The following SETDB1 variants were observed in gnomAD, a reference collection of about 807,000 sequenced individuals.
The protein encoded by SETDB1 is SET domain bifurcated histone lysine methyltransferase 1, also known as histone-lysine N-methyltransferase SETDB1.
In SETDB1, 31 loss-of-function variants were observed where a neutral mutation model predicts 137.4. The observed-to-expected ratio is 0.23, with a 90% confidence interval of 0.17 to 0.30. The LOEUF (loss-of-function observed/expected upper bound fraction) is 0.30. SETDB1 is among the 10% of genes least tolerant of loss of function. The pLI is 1.00. For synonymous variants in SETDB1, 548 were observed against 579.9 expected (o/e 0.95, Z 0.79); for missense variants, 1,113 against 1,631.5 (o/e 0.68, Z 5.47).
intron 18 of SETDB1, 44 bp from the exon 19 acceptor site, chr1:150,962,930 C>A: frequency 6.3e-7 from 1 of 1,599,168 alleles, no homozygotes. Flanking sequence ...TAAAGGAGCC[C>A]TTCCCATTTA....
At chr1:150,937,924 T>G (rs192385484) in intron 3 of SETDB1, among the ~76,000 whole-genome samples, 1 of 152,266 alleles carries the variant, frequency 6.6e-6, no homozygotes, top group East Asian at 1.9e-4. Flanking sequence ...TAAAATATTA[T>G]TCAGCCATAA....
chr1:150,962,730 T>C lies in SETDB1; in HGVS notation c.3294+11T>C, dbSNP rs775922070. 6.2e-7 allele frequency: 1 copy of C among 1,612,402 alleles called. No homozygotes were observed. The highest frequency in any genetic ancestry group is 2.2e-5 in the East Asian group (1 of 44,860). On this transcript the variant is annotated intron_variant, in intron 18 of 21. Coordinates refer to ENST00000692827, the MANE Select transcript of SETDB1 (RefSeq NM_001366418.1). ...CAGTCCAACCCTGATGTAAGTCACC[T>C]CAAGCTTATTCAGAGTCTAATAAAG...
intron 3 of SETDB1, among the ~76,000 whole-genome samples, chr1:150,934,544 C>T (rs895711382): frequency 2.6e-5 from 4 of 152,124 alleles, no homozygotes; most frequent in African/African-American, 4.8e-5. Flanking sequence ...CTGTGTGATA[C>T]TATTGTCAAA....
intron 3 of SETDB1, among the ~76,000 whole-genome samples, chr1:150,936,183 G>A (rs1246871211): frequency 6.6e-6 from 1 of 152,032 alleles, no homozygotes; most frequent in Non-Finnish European, 1.5e-5. Context: ...TAGAGACAGG[G>A]TTTCACCATG....
intron 7 of SETDB1, among the ~76,000 whole-genome samples, chr1:150,943,285 G>A (rs2102693756): frequency 6.6e-6 from 1 of 152,200 alleles, no homozygotes; most frequent in African/African-American, 2.4e-5. Context: ...AGAATAATGA[G>A]GATTGATTAA....
chr1:150,959,498 G>GTAGC, intron 15 of SETDB1, 151 bp downstream of exon 15: 1 of 653,378 alleles, frequency 1.5e-6, no homozygotes, highest in Non-Finnish European at 2.7e-6. Flanking sequence ...GATGAGTGAT[G>GTAGC]TACCTGTCTA....
chr1:150,933,768 TTTTTC>T (rs1195832075), intron 3 of SETDB1, among the ~76,000 whole-genome samples: 3 of 119,666 alleles, frequency 2.5e-5, no homozygotes, highest in Non-Finnish European at 3.6e-5. Flanking sequence ...TTTCTTTTTC[TTTTTC>T]TTTTTCTTTT....
In SETDB1 at chr1:150,964,396, T is replaced by G. The variant is rs1411384772; in HGVS notation, c.*32T>G. The G allele has an allele frequency of 6.6e-7, 1 of 1,511,732 alleles. No homozygotes were observed. The highest frequency in any genetic ancestry group is 1.7e-5 in the Admixed American group (1 of 58,316). The allele number at this position is 1,511,732 out of a possible 1,614,324, so 93.6% of individuals were successfully genotyped here. On this transcript the variant is annotated 3_prime_UTR_variant, in exon 22 of 22. Transcript: ENST00000692827. ...GCCTTCTTCCCAACCCTTCTTGAAC[T>G]GTCGTTTCCTCAGGAACTGGGTCTT...
In SETDB1 at chr1:150,926,517, G is replaced by C; in HGVS notation, c.-12G>C. The C allele has an allele frequency of 1.2e-5, 4 of 328,742 alleles. No individual in the cohort carries two copies. The highest frequency in any genetic ancestry group is 2.3e-5 in the Non-Finnish European group (4 of 170,676). The allele number at this position is 328,742 out of a possible 1,614,324, so 20.4% of individuals were successfully genotyped here. A position where few individuals can be genotyped will look rare whatever the true frequency, so the allele number is the denominator to read the frequency against. ...GAGCCCTTGAAGCTGGAAGACGGGAGGTGCGGGGAATACTGTTGAGTTATT... is the reference window on the plus strand; with the variant it reads ...GAGCCCTTGAAGCTGGAAGACGGGACGTGCGGGGAATACTGTTGAGTTATT... On this transcript the variant is annotated splice_region_variant and 5_prime_UTR_variant, in exon 1 of 22. Transcript: ENST00000692827.
rs750914457 is a variant in SETDB1 at position 150,940,569 on chromosome 1, GA to G, written c.447+609del. 3.8e-3 allele frequency among the ~76,000 whole-genome samples: 442 copies of G among 116,856 alleles called. 2 individuals are homozygous for G. Among genetic ancestry groups the G allele is most frequent in the Admixed American group, 7.8e-3 (86 of 11,020 alleles). 76.7% of individuals were successfully genotyped at this position (116,856 alleles called of 152,430 possible). A position where few individuals can be genotyped will look rare whatever the true frequency, so the allele number is the denominator to read the frequency against. ...GGGGACAGAGCAAGACTCTGTCTCA[GA>G]AAAAAAAAAAAAAGAGGCTAGGCGT... On this transcript the variant is annotated intron_variant, in intron 4 of 21. Transcript: ENST00000692827.
At chr1:150,961,959 A>C in intron 16 of SETDB1, 171 bp from the exon 17 acceptor site, 1 of 746,544 alleles carries the variant, frequency 1.3e-6, no homozygotes, top group Non-Finnish European at 2.4e-6. Context: ...GGCTCCAGCC[A>C]GGGAGTGTAG....
intron 3 of SETDB1, among the ~76,000 whole-genome samples, chr1:150,933,457 A>G (rs886361518): frequency 2.1e-5 from 3 of 144,646 alleles, no homozygotes; most frequent in East Asian, 2.1e-4. Flanking sequence ...GCTCACTGCA[A>G]CCTTTGCCTC....
At chr1:150,951,283 G>A in intron 13 of SETDB1, 82 bp from the exon 14 acceptor site, 1 of 1,173,116 alleles carries the variant, frequency 8.5e-7, no homozygotes, top group East Asian at 2.3e-5. Flanking sequence ...GCCACACTGA[G>A]CAACCTTGGG....
chr1:150,949,607 A>T, intron 12 of SETDB1, 82 bp downstream of exon 12: 1 of 1,295,078 alleles, frequency 7.7e-7, no homozygotes, highest in Non-Finnish European at 1.1e-6. Context: ...CTGTAAGCGA[A>T]GGGCTTAGTT....
In SETDB1 at chr1:150,933,068, A is replaced by AATTG. The variant is rs927389715; in HGVS notation, c.412+2960_412+2963dup. Among the ~76,000 whole-genome samples the AATTG allele has an allele frequency of 9.2e-5, 14 of 151,928 alleles. No individual in the cohort carries two copies. The South Asian group carries it at 2.3e-3, about 25-fold the overall frequency. On this transcript the variant is annotated intron_variant, in intron 3 of 21. Transcript: ENST00000692827. ...TTTTGAATGAATGAATGAATGAATG[A>AATTG]ATTGATTGATTGACAAGGTCTCACT...
At chr1:150,963,782 A>G (rs374394146) in intron 20 of SETDB1, 41 bp downstream of exon 20, 21 of 1,582,384 alleles carry the variant, frequency 1.3e-5, no homozygotes, top group Non-Finnish European at 1.8e-5. Context: ...GGATTATCCC[A>G]TGGTCCTCAG....
chr1:150,962,118 GT>G lies in SETDB1; in HGVS notation c.3133-10del. 1 of 1,614,094 alleles carries G rather than the reference GT, an allele frequency of 6.2e-7. No individual in the cohort carries two copies. The highest frequency in any genetic ancestry group is 8.5e-7 in the Non-Finnish European group (1 of 1,179,966). ...TGTGAAAGCATTTAACCCTTCACTT[GT>G]TCTTTTCCAGGACACTGACGACCGA... On this transcript the variant is annotated splice_polypyrimidine_tract_variant and intron_variant, in intron 16 of 21. Transcript: ENST00000692827.
chr1:150,952,086 T>G (rs1252147914), intron 14 of SETDB1, among the ~76,000 whole-genome samples: 1 of 151,668 alleles, frequency 6.6e-6, no homozygotes, highest in Non-Finnish European at 1.5e-5. Flanking sequence ...AGGCAGAGGT[T>G]GCAGTGAGCC....
At chr1:150,938,380 G>A (rs1293609078) in intron 3 of SETDB1, among the ~76,000 whole-genome samples, 1 of 152,120 alleles carries the variant, frequency 6.6e-6, no homozygotes, top group Non-Finnish European at 1.5e-5. Flanking sequence ...TTGGGGGAGG[G>A]AGGAATGAGA....
Sources: gnomAD v4.1 joint callset for allele counts (sites outside exome capture counted in the v4.1 genomes callset) on GRCh38, gnomAD v4.1.1 for gene constraint, MANE v1.5 for transcripts, NCBI Gene and HGNC (gene_info 2026-07-23, HGNC 2026-07-21) for gene names.